The following TTPA variants were observed in gnomAD, a reference collection of about 807,000 sequenced individuals.
TTPA encodes alpha-tocopherol transfer protein.
A neutral mutation model predicts 25.9 loss-of-function variants in TTPA; 23 were observed. The observed-to-expected ratio is 0.89, with a 90% CI of 0.64 to 1.26. The LOEUF (loss-of-function observed/expected upper bound fraction) is 1.26, where lower values mean the gene tolerates loss of function less well. TTPA is among the 50% of genes most tolerant of loss of function. The probability of loss-of-function intolerance (pLI) is 0.00; values close to 1 mark genes in which losing one functional copy is unlikely to be tolerated. For synonymous variants in TTPA, 148 were observed against 137.3 expected (o/e 1.08, Z -0.54); for missense variants, 337 against 353.1 (o/e 0.95, Z 0.37).
At chr8:63,078,614 A>G (rs1805610599) in intron 1 of TTPA, among the ~76,000 whole-genome samples, 1 of 152,212 alleles carries the variant, frequency 6.6e-6, no homozygotes, top group African/African-American at 2.4e-5. Flanking sequence ...TTAATAAAAT[A>G]AAGCGAGAAG....
chr8:63,073,183 C>T (rs955354789), intron 1 of TTPA, 95 bp from the exon 2 acceptor site: 4 of 1,026,694 alleles, frequency 3.9e-6, no homozygotes, highest in South Asian at 1.4e-5. Flanking sequence ...ATAAACTTTG[C>T]CATCCATTAT....
intron 1 of TTPA, among the ~76,000 whole-genome samples, chr8:63,083,400 A>G (rs770683690): frequency 1.5e-4 from 23 of 152,126 alleles, no homozygotes; most frequent in Non-Finnish European, 3.4e-4. Flanking sequence ...AAAACCAAAC[A>G]CTGCATGTTC....
intron 2 of TTPA, 84 bp downstream of exon 2, chr8:63,072,851 G>T: frequency 6.7e-7 from 1 of 1,500,110 alleles, no homozygotes; most frequent in South Asian, 1.2e-5. Flanking sequence ...AGGAAGAAAT[G>T]GAAGAAAGAG....
At chr8:63,081,717 G>T (rs1197800477) in intron 1 of TTPA, among the ~76,000 whole-genome samples, 2 of 152,160 alleles carry the variant, frequency 1.3e-5, no homozygotes, top group Non-Finnish European at 2.9e-5. Context: ...GTTTGCAGAA[G>T]ACATGACTGT....
intron 3 of TTPA, among the ~76,000 whole-genome samples, chr8:63,064,905 C>G (rs1306692701): frequency 6.6e-6 from 1 of 152,148 alleles, no homozygotes; most frequent in East Asian, 1.9e-4. Flanking sequence ...CCATGCATCA[C>G]TTTCAGAGAT....
At chr8:63,085,269 A>G (rs1805730842) in intron 1 of TTPA, among the ~76,000 whole-genome samples, 1 of 152,164 alleles carries the variant, frequency 6.6e-6, no homozygotes, top group African/African-American at 2.4e-5. Context: ...CTGCCCGACT[A>G]CAACCCAGAC....
At chr8:63,085,680 G>A in intron 1 of TTPA, 138 bp downstream of exon 1, 2 of 990,452 alleles carry the variant, frequency 2.0e-6, no homozygotes, top group South Asian at 1.6e-5. Flanking sequence ...GCCCACGCCG[G>A]GTGGTTAGGG....
rs1454184217 is a variant in TTPA at position 63,061,314 on chromosome 8, A to T, written c.775T>A (p.Trp259Arg). 1 of 1,613,918 alleles carries T rather than the reference A, an allele frequency of 6.2e-7. No individual in the cohort carries two copies. Among genetic ancestry groups the T allele is most frequent in the Non-Finnish European group, 8.5e-7 (1 of 1,179,892 alleles). The change falls in exon 5 of 5, where the codon TGG becomes AGG. Residue 259 changes from tryptophan to arginine, a missense_variant. Coordinates refer to ENST00000260116, the MANE Select transcript of TTPA (RefSeq NM_000370.3). Reference sequence around the variant, plus strand: ...TCAGACTTCATTATAAAATTTGTCCATTCCTGACAAATGTCCTCCATGGAG... The same window carrying T: ...TCAGACTTCATTATAAAATTTGTCCTTTCCTGACAAATGTCCTCCATGGAG... ...EFSMEDICQE[W>R]TNFIMKSEDY...
chr8:63,059,020 G>GTTTTTTTTTTTTGT (rs1805248010), downstream of TTPA, among the ~76,000 whole-genome samples: 45 of 67,192 alleles, frequency 6.7e-4, no homozygotes, highest in African/African-American at 2.6e-3. Flanking sequence ...GCAGGGTCCA[G>GTTTTTTTTTTTTGT]TTTTTTTTTT....
chr8:63,083,418 G>T (rs1243834077), intron 1 of TTPA, among the ~76,000 whole-genome samples: 3 of 152,132 alleles, frequency 2.0e-5, no homozygotes, highest in African/African-American at 7.2e-5. Flanking sequence ...TTCTCACTCA[G>T]AGGTGGGAAT....
At chr8:63,063,076 A>C (rs1805334154) in intron 4 of TTPA, among the ~76,000 whole-genome samples, 1 of 152,222 alleles carries the variant, frequency 6.6e-6, no homozygotes, top group African/African-American at 2.4e-5. Flanking sequence ...ATATTTTCTT[A>C]ATATGAAAGA....
chr8:63,079,647 C>G (rs1483290898), intron 1 of TTPA, among the ~76,000 whole-genome samples: 1 of 152,178 alleles, frequency 6.6e-6, no homozygotes, highest in Non-Finnish European at 1.5e-5. Context: ...ACACCCAATA[C>G]AGGAGCACCC....
Position 63,073,085 on chromosome 8 carries a change from G to C in TTPA, c.208C>G (p.Leu70Val), listed in dbSNP as rs1163767028. The C allele has an allele frequency of 6.2e-7, 1 of 1,608,066 alleles. No individual in the cohort carries two copies. The highest frequency in any genetic ancestry group is 1.1e-5 in the South Asian group (1 of 90,868). Residue 70 changes from leucine to valine, a missense_variant, in exon 2 of 5, where the codon CTA becomes GTA. Physicochemically the swap from Leu to Val is conservative, Grantham distance 32. Coordinates refer to ENST00000260116, the MANE Select transcript of TTPA (RefSeq NM_000370.3). The stretch of plus-strand genomic sequence containing the variant: ...GCTCTCCACTTATAATAGTTTTTTA[G>C]TAACTGAAAAATAAAATTAAAATTG... ...DFDLDLAWRL[L>V]KNYYKWRAEC...
chr8:63,059,240 G>A (rs12375357), downstream of TTPA, among the ~76,000 whole-genome samples: 1 of 150,852 alleles, frequency 6.6e-6, no homozygotes, highest in Non-Finnish European at 1.5e-5. Flanking sequence ...CACCGTTTTA[G>A]CCGGGATGGT....
At chr8:63,072,265 T>TTTTGTTTGTTTG (rs150791305) in intron 2 of TTPA, among the ~76,000 whole-genome samples, 10,154 of 152,120 alleles carry the variant, frequency 0.067, 616 homozygotes, top group African/African-American at 0.16. Context: ...TCTGGTTGTT[T>TTTTGTTTGTTTG]TTTGTTTGTT....
At chr8:63,077,827 T>A (rs1805588383) in intron 1 of TTPA, among the ~76,000 whole-genome samples, 1 of 152,186 alleles carries the variant, frequency 6.6e-6, no homozygotes, top group South Asian at 2.1e-4. Flanking sequence ...AGCATGGCAT[T>A]TCTGCTCTGA....
intron 2 of TTPA, among the ~76,000 whole-genome samples, chr8:63,069,597 T>A (rs1457075323): frequency 1.3e-5 from 2 of 152,064 alleles, no homozygotes; most frequent in African/African-American, 4.8e-5. Context: ...TGGCTGAGTG[T>A]GGTAGCACAT....
chr8:63,073,971 A>G (rs983408090), intron 1 of TTPA, among the ~76,000 whole-genome samples: 1 of 152,174 alleles, frequency 6.6e-6, no homozygotes, highest in Non-Finnish European at 1.5e-5. Flanking sequence ...TGTGGAAAAT[A>G]CTAAAGCAAA....
Position 63,085,946 on chromosome 8 carries a change from G to T in TTPA, c.76C>A (p.Pro26Thr). The part of the protein sequence containing the change: ...ALPDHSPLLQ[P>T]GLAALRRRAR... ...CGGCGCCGCAGCGCCGCCAGGCCCGGCTGCAGCAACGGAGAGTGGTCCGGT... is the reference window on the plus strand; with the variant it reads ...CGGCGCCGCAGCGCCGCCAGGCCCGTCTGCAGCAACGGAGAGTGGTCCGGT... The change falls in exon 1 of 5, where the codon CCG becomes ACG. Residue 26 changes from proline (P) to threonine (T), a missense_variant. Physicochemically the swap from Pro to Thr is conservative, Grantham distance 38. Transcript: ENST00000260116. The T allele has an allele frequency of 6.6e-7, 1 of 1,523,122 alleles. No individual in the cohort carries two copies. The highest frequency in any genetic ancestry group is 1.4e-5 in the African/African-American group (1 of 70,330). The allele number at this position is 1,523,122 out of a possible 1,614,324, so 94.4% of individuals were successfully genotyped here. A position where few individuals can be genotyped will look rare whatever the true frequency, so the allele number is the denominator to read the frequency against.
Sources: gnomAD v4.1 joint callset for allele counts (sites outside exome capture counted in the v4.1 genomes callset) on GRCh38, gnomAD v4.1.1 for gene constraint, MANE v1.5 for transcripts, NCBI Gene and HGNC (gene_info 2026-07-23, HGNC 2026-07-21) for gene names.